The following DLG5 variants were observed in gnomAD, a reference collection of about 807,000 sequenced individuals.
The protein encoded by DLG5 is disks large homolog 5.
DLG5 carries 48 observed loss-of-function variants against 189.8 expected under a neutral mutation model. That is an observed-to-expected ratio of 0.25 (90% CI 0.20 to 0.32). The LOEUF (loss-of-function observed/expected upper bound fraction) is 0.32, where lower values mean the gene tolerates loss of function less well. DLG5 is among the 10% of genes least tolerant of loss of function. DLG5 has a pLI of 1.00. For synonymous variants in DLG5, 1,016 were observed against 1,054.1 expected (o/e 0.96, Z 0.70); for missense variants, 2,160 against 2,544.7 (o/e 0.85, Z 3.25).
rs1842221127 is a variant in DLG5 at position 77,819,397 on chromosome 10, C to T, written c.3595G>A (p.Val1199Met). ...SSILRNPIYT[V>M]RSHRVGPCSS... Reference sequence around the variant, plus strand: ...CAGGGGCCGACCCTGTGACTGCGCACAGTGTAGATGGGGTTCCGCAGGATG... The same window carrying T: ...CAGGGGCCGACCCTGTGACTGCGCATAGTGTAGATGGGGTTCCGCAGGATG... Residue 1199 changes from valine to methionine, a missense_variant, in exon 17 of 32, where the codon GTG (valine) becomes ATG (methionine). Coordinates refer to ENST00000372391, the MANE Select transcript of DLG5 (RefSeq NM_004747.4). 1 of 1,614,084 alleles carries T rather than the reference C, an allele frequency of 6.2e-7. No individual in the cohort carries two copies. Among genetic ancestry groups the T allele is most frequent in the African/African-American group, 1.3e-5 (1 of 75,024 alleles).
chr10:77,794,869 G>A lies in DLG5; in HGVS notation c.5526C>T (p.Tyr1842=). ...HIYPIVIFIH[Y]KSAKHIKEQR... ...CCTACTTGATGTGCTTGGCGCTCTT[G>A]TAGTGGATGAAGATGACAATGGGGT... Residue 1842 remains tyrosine (Y), a synonymous_variant, in exon 30 of 32, where the codon TAC becomes TAT. Coordinates refer to ENST00000372391, the MANE Select transcript of DLG5 (RefSeq NM_004747.4). The A allele has an allele frequency of 1.9e-6, 3 of 1,614,078 alleles. No homozygotes were observed. The highest frequency in any genetic ancestry group is 2.5e-6 in the Non-Finnish European group (3 of 1,179,992).
intron 1 of DLG5, among the ~76,000 whole-genome samples, chr10:77,884,399 G>A (rs564638559): frequency 3.3e-5 from 5 of 152,270 alleles, no homozygotes; most frequent in African/African-American, 1.2e-4. Context: ...TGAGTACTGT[G>A]CCTAAAGCCA....
chr10:77,819,240 CCT>C, intron 17 of DLG5, 79 bp downstream of exon 17: 1 of 1,600,470 alleles, frequency 6.2e-7, no homozygotes, highest in East Asian at 2.2e-5. Context: ...CACCAATGAG[CCT>C]CTTTATGCAC....
At chr10:77,802,104 C>G (rs982217656) in intron 27 of DLG5, among the ~76,000 whole-genome samples, 2 of 152,200 alleles carry the variant, frequency 1.3e-5, no homozygotes, top group African/African-American at 4.8e-5. Flanking sequence ...AGGCTCTCTC[C>G]TCAAGCCCGG....
chr10:77,812,748 G>A (rs1046303678), intron 20 of DLG5, among the ~76,000 whole-genome samples: 4 of 152,256 alleles, frequency 2.6e-5, no homozygotes, highest in South Asian at 2.1e-4. Flanking sequence ...GAGGAAAAGA[G>A]ATGGCTCCTG....
chr10:77,802,164 T>C (rs1841240119), intron 27 of DLG5, among the ~76,000 whole-genome samples: 1 of 152,178 alleles, frequency 6.6e-6, no homozygotes, highest in African/African-American at 2.4e-5. Flanking sequence ...GTCCTGAGTG[T>C]GGACTTCTGG....
At position 77,838,476 on chromosome 10, in the gene DLG5, C is replaced by A. The variant is rs117876507; in HGVS notation, c.1438-2554G>T. 8.2e-4 allele frequency among the ~76,000 whole-genome samples: 125 copies of A among 152,214 alleles called. 1 individual carries two copies. In the East Asian group the frequency reaches 0.022, roughly 26 times the overall value. On this transcript the variant is annotated intron_variant, in intron 7 of 31. Transcript: ENST00000372391. ...CCCCTGGGAGCTGGGAAGAAGAAGG[C>A]GAGGGAGGCAAGGGCACAGCCAACC...
intron 1 of DLG5, among the ~76,000 whole-genome samples, chr10:77,888,524 G>A (rs1024196894): frequency 4.6e-5 from 7 of 152,182 alleles, no homozygotes; most frequent in African/African-American, 9.6e-5. Context: ...TTCATCAGGC[G>A]GAGCTTTGCG....
Position 77,811,936 on chromosome 10 carries a change from T to C in DLG5, c.4310A>G (p.His1437Arg). Residue 1437 changes from histidine (H) to arginine (R), a missense_variant, in exon 22 of 32, where the codon CAC (histidine) becomes CGC (arginine). By Grantham distance (29) the His-to-Arg change is conservative. This residue lies in a region of DLG5 where 574 missense variants were observed against 644.2 expected (regional missense o/e 0.89). Coordinates refer to ENST00000372391, the MANE Select transcript of DLG5 (RefSeq NM_004747.4). ...GGCCCGCACTCACCTGGACCGGGAG[T>C]GGCTGCTGAGCTGGTGCACGTGGGG... ...YNPHVHQLSSHSRSSSHLDPA... is the reference protein window; with the variant it reads ...YNPHVHQLSSRSRSSSHLDPA... 6.2e-7 allele frequency: 1 copy of C among 1,605,348 alleles called. No homozygotes were observed. The highest frequency in any genetic ancestry group is 8.5e-7 in the Non-Finnish European group (1 of 1,179,618).
intron 1 of DLG5, among the ~76,000 whole-genome samples, chr10:77,877,762 G>A (rs1172802372): frequency 6.6e-6 from 1 of 152,162 alleles, no homozygotes; most frequent in Non-Finnish European, 1.5e-5. Flanking sequence ...GGAGGATGGG[G>A]CCATCGTGCT....
At position 77,796,274 on chromosome 10, in the gene DLG5, G is replaced by A; in HGVS notation, c.5309-86C>T. On this transcript the variant is annotated intron_variant, in intron 28 of 31. Transcript: ENST00000372391. The surrounding 1 kb of genome is among the most constrained non-coding windows in gnomAD (Gnocchi z 5.2). Reference sequence around the variant, plus strand: ...AGCAGGGGAAGAACACTGCTCAGCAGCTGTCAGTAACCCAGTCCTGCCATG... The same window carrying A: ...AGCAGGGGAAGAACACTGCTCAGCAACTGTCAGTAACCCAGTCCTGCCATG... 1 of 1,604,772 alleles carries A rather than the reference G, an allele frequency of 6.2e-7. No individual in the cohort carries two copies. Among genetic ancestry groups the A allele is most frequent in the Non-Finnish European group, 8.5e-7 (1 of 1,174,036 alleles).
rs971099387 is a variant in DLG5, at chr10:77,791,322, A to G, written c.*1118T>C. 8.6e-5 allele frequency: 13 copies of G among 152,012 alleles called. No homozygotes were observed. Among genetic ancestry groups the G allele is most frequent in the African/African-American group, 2.9e-4 (12 of 41,224 alleles). 9.4% of individuals were successfully genotyped at this position (152,012 alleles called of 1,614,324 possible). A position where few individuals can be genotyped will look rare whatever the true frequency, so the allele number is the denominator to read the frequency against. The stretch of plus-strand genomic sequence containing the variant: ...GGAACCACATCAAATCTTCAGCCAG[A>G]CATATCTAGCCTCAGAAGTGCAAAA... On this transcript the variant is annotated 3_prime_UTR_variant, in exon 32 of 32. Coordinates refer to ENST00000372391, the MANE Select transcript of DLG5 (RefSeq NM_004747.4).
At chr10:77,833,713 T>A (rs4979924) in intron 9 of DLG5, among the ~76,000 whole-genome samples, 7,173 of 152,258 alleles carry the variant, frequency 0.047, 304 homozygotes, top group East Asian at 0.25. Flanking sequence ...AATTTCTAAT[T>A]AACCCTACAT....
chr10:77,899,944 C>A (rs1253100153), intron 1 of DLG5, among the ~76,000 whole-genome samples: 1 of 152,230 alleles, frequency 6.6e-6, no homozygotes, highest in African/African-American at 2.4e-5. Context: ...TTATCAATTT[C>A]ATCCTCCACA....
At chr10:77,818,110 G>A (rs779736031) in intron 17 of DLG5, among the ~76,000 whole-genome samples, 18 of 152,246 alleles carry the variant, frequency 1.2e-4, no homozygotes, top group African/African-American at 2.6e-4. Context: ...CACATGGGGC[G>A]GTCAGTATCA....
chr10:77,853,986 C>T (rs917093809), intron 4 of DLG5, among the ~76,000 whole-genome samples: 2 of 152,240 alleles, frequency 1.3e-5, no homozygotes, highest in African/African-American at 4.8e-5. Flanking sequence ...TGTTCTGAAT[C>T]ACTTTCATGC....
chr10:77,830,688 T>C, intron 10 of DLG5, 53 bp downstream of exon 10: 3 of 1,600,154 alleles, frequency 1.9e-6, no homozygotes, highest in Non-Finnish European at 2.6e-6. Context: ...CGGGTCACCG[T>C]CTCCTCCTTC....
chr10:77,913,677 C>T (rs1015489986), intron 1 of DLG5, among the ~76,000 whole-genome samples: 5 of 152,184 alleles, frequency 3.3e-5, no homozygotes, highest in Admixed American at 6.5e-5. Flanking sequence ...CAACCTCAAA[C>T]TCTTGGGCTC....
At chr10:77,797,054 T>G (rs1184457199) in intron 27 of DLG5, among the ~76,000 whole-genome samples, 1 of 152,206 alleles carries the variant, frequency 6.6e-6, no homozygotes, top group African/African-American at 2.4e-5. Flanking sequence ...GAGCCAGCTC[T>G]GGCCATGCAG....
Sources: gnomAD v4.1 joint callset for allele counts (sites outside exome capture counted in the v4.1 genomes callset) on GRCh38, gnomAD v4.1.1 for gene constraint, gnomAD v4.1.1 regional missense constraint, Gnocchi (gnomAD v3.1) non-coding constraint, MANE v1.5 for transcripts, NCBI Gene and HGNC (gene_info 2026-07-23, HGNC 2026-07-21) for gene names.